The following C4BPA variants were observed in gnomAD, a reference collection of about 807,000 sequenced individuals.
The protein encoded by C4BPA is C4b-binding protein alpha chain.
Under a neutral mutation model 63.7 loss-of-function variants are expected in C4BPA, and 31 were observed. The ratio of observed to expected loss-of-function variants is 0.49; its 90% CI spans 0.37 to 0.66. C4BPA has a LOEUF of 0.66. C4BPA is among the 30% of genes least tolerant of loss of function. The pLI is 0.00. For missense variants in C4BPA, 572 were observed against 723.3 expected, an observed-to-expected ratio of 0.79 and a Z score of 2.40; for synonymous variants, 259 against 254.7, an observed-to-expected ratio of 1.02 and a Z score of -0.16.
intron 1 of C4BPA, among the ~76,000 whole-genome samples, chr1:207,109,710 C>G (rs1389941392): frequency 6.6e-6 from 1 of 152,184 alleles, no homozygotes; most frequent in East Asian, 1.9e-4. Context: ...CTGCATTTGT[C>G]TGTATCTCCT....
chr1:207,118,640 A>G (rs965767787), intron 4 of C4BPA, among the ~76,000 whole-genome samples: 6 of 152,184 alleles, frequency 3.9e-5, no homozygotes, highest in Non-Finnish European at 5.9e-5. Flanking sequence ...GGATTATAGG[A>G]ACTACAATTC....
chr1:207,113,962 A>G (rs1354775583), intron 2 of C4BPA, 138 bp from the exon 3 acceptor site: 6 of 668,882 alleles, frequency 9.0e-6, no homozygotes, highest in South Asian at 1.9e-5. Flanking sequence ...AGAGAGTATA[A>G]TAGGAGTTAT....
chr1:207,106,969 A>C (rs1310166574), intron 1 of C4BPA, among the ~76,000 whole-genome samples: 4 of 152,186 alleles, frequency 2.6e-5, no homozygotes, highest in Non-Finnish European at 5.9e-5. Context: ...TAGAGATGGA[A>C]AGTTGAATAA....
At chr1:207,114,485 CTTTTTTT>C (rs34895847) in intron 3 of C4BPA, among the ~76,000 whole-genome samples, 200 bp downstream of exon 3, 1 of 59,538 alleles carries the variant, frequency 1.7e-5, no homozygotes, top group African/African-American at 7.8e-5. Flanking sequence ...TAACTCTGTT[CTTTTTTT>C]TTTTTTTTTT....
At chr1:207,112,868 C>A in intron 1 of C4BPA, 133 bp from the exon 2 acceptor site, 1 of 738,296 alleles carries the variant, frequency 1.4e-6, no homozygotes, top group East Asian at 2.9e-5. Context: ...CATTTGTGCT[C>A]AGGGGTTTTT....
intron 4 of C4BPA, among the ~76,000 whole-genome samples, chr1:207,117,887 A>C (rs1302884285): frequency 6.6e-6 from 1 of 152,122 alleles, no homozygotes. Context: ...CTCAAAAAAC[A>C]ATCTTTATGC....
At chr1:207,110,044 G>A (rs904629162) in intron 1 of C4BPA, among the ~76,000 whole-genome samples, 1 of 152,170 alleles carries the variant, frequency 6.6e-6, no homozygotes, top group Non-Finnish European at 1.5e-5. Context: ...TTCATGAGGC[G>A]CAGGCTAGGT....
chr1:207,109,240 G>A (rs1316472643), intron 1 of C4BPA, among the ~76,000 whole-genome samples: 1 of 152,194 alleles, frequency 6.6e-6, no homozygotes, highest in African/African-American at 2.4e-5. Context: ...CCTCTGCACT[G>A]GGGTGTAATT....
chr1:207,122,997 C>T lies in C4BPA; in HGVS notation c.429-925C>T, dbSNP rs186291905. On this transcript the variant is annotated intron_variant, in intron 4 of 11. Transcript: ENST00000367070. The stretch of plus-strand genomic sequence containing the variant: ...TCTATTAGTTTTCTCTTATCTTTTC[C>T]GTTTGTTTCATTTTTGTTGATTTTC... Among the ~76,000 whole-genome samples, 702 of 152,088 alleles carry T rather than the reference C, an allele frequency of 4.6e-3. 9 individuals carry two copies. Among genetic ancestry groups the T allele is most frequent in the Non-Finnish European group, 3.8e-3 (261 of 67,982 alleles).
intron 6 of C4BPA, 76 bp downstream of exon 6, chr1:207,124,442 T>C (rs1413564406): frequency 2.6e-6 from 3 of 1,149,354 alleles, no homozygotes; most frequent in Non-Finnish European, 3.8e-6. Flanking sequence ...GTAAATTTAT[T>C]GGGGGGCAAA....
rs1386695600 is a variant in C4BPA, at chr1:207,144,920, AACAC to A, written c.*207_*210del. 3.0e-6 allele frequency: 1 copy of A among 333,208 alleles called. No individual in the cohort carries two copies. Among genetic ancestry groups the A allele is most frequent in the African/African-American group, 2.1e-5 (1 of 47,066 alleles). 20.6% of individuals were successfully genotyped at this position (333,208 alleles called of 1,614,324 possible). ...TGTGTGGCTCATGTTTTTGCTTTTC[AACAC>A]ACAAAGCACAAATTTTTTTTCGATT... is the stretch of plus-strand genomic sequence containing the variant. On this transcript the variant is annotated 3_prime_UTR_variant, in exon 12 of 12. Coordinates refer to ENST00000367070, the MANE Select transcript of C4BPA (RefSeq NM_000715.4).
At chr1:207,140,733 A>G (rs1481699489) in intron 9 of C4BPA, among the ~76,000 whole-genome samples, 1 of 152,176 alleles carries the variant, frequency 6.6e-6, no homozygotes, top group Non-Finnish European at 1.5e-5. Context: ...ATGATATAAC[A>G]TCCTTACAGT....
At chr1:207,115,825 T>A (rs2102333319) in intron 4 of C4BPA, among the ~76,000 whole-genome samples, 1 of 152,368 alleles carries the variant, frequency 6.6e-6, no homozygotes, top group Middle Eastern at 3.4e-3. Context: ...TATCAATGTA[T>A]ACTGGAGATA....
At chr1:207,128,695 A>G (rs1685099768) in intron 7 of C4BPA, among the ~76,000 whole-genome samples, 1 of 152,242 alleles carries the variant, frequency 6.6e-6, no homozygotes, top group African/African-American at 2.4e-5. Flanking sequence ...TGTCTGAGGC[A>G]TGCTGTTAGA....
chr1:207,114,102 A>T lies in C4BPA; in HGVS notation c.145A>T (p.Asn49Tyr). The part of the protein sequence containing the change: ...IAALLPAVLG[N>Y]CGPPPTLSFA... ...CTCCTTCTCATTTTGGTGTCCAGGC[A>T]ATTGTGGTCCTCCACCCACTTTATC... The change falls in exon 3 of 12, where the codon AAT becomes TAT. Residue 49 changes from asparagine (N) to tyrosine (Y), a missense_variant and splice_region_variant. This residue lies in a region of C4BPA where 107 missense variants were observed against 93.9 expected (regional missense o/e 1.14). Coordinates refer to ENST00000367070, the MANE Select transcript of C4BPA (RefSeq NM_000715.4). 1 of 1,611,226 alleles carries T rather than the reference A, an allele frequency of 6.2e-7. No individual in the cohort carries two copies. Among genetic ancestry groups the T allele is most frequent in the Non-Finnish European group, 8.5e-7 (1 of 1,178,332 alleles).
intron 5 of C4BPA, 26 bp downstream of exon 5, chr1:207,124,033 C>G (rs1393931468): frequency 6.4e-7 from 1 of 1,555,006 alleles, no homozygotes; most frequent in South Asian, 1.1e-5. Context: ...TCTGACTTGA[C>G]TATCAATTTA....
At chr1:207,125,143 G>A (rs989103481) in intron 6 of C4BPA, among the ~76,000 whole-genome samples, 4 of 152,130 alleles carry the variant, frequency 2.6e-5, no homozygotes, top group Admixed American at 6.5e-5. Context: ...TCAGACGAGG[G>A]GCACAAAAGA....
At chr1:207,138,189 C>T (rs1685333333) in intron 9 of C4BPA, among the ~76,000 whole-genome samples, 1 of 152,156 alleles carries the variant, frequency 6.6e-6, no homozygotes, top group African/African-American at 2.4e-5. Context: ...CTGGTATAGC[C>T]ACAACTGTGA....
chr1:207,105,158 A>G (rs927293281), intron 1 of C4BPA, among the ~76,000 whole-genome samples: 1 of 152,240 alleles, frequency 6.6e-6, no homozygotes, highest in Non-Finnish European at 1.5e-5. Context: ...CCAAAAGAAT[A>G]AAAAGTAGAC....
Sources: gnomAD v4.1 joint callset for allele counts (sites outside exome capture counted in the v4.1 genomes callset) on GRCh38, gnomAD v4.1.1 for gene constraint, gnomAD v4.1.1 regional missense constraint, MANE v1.5 for transcripts, NCBI Gene and HGNC (gene_info 2026-07-23, HGNC 2026-07-21) for gene names.